Variants in DCC observed in about 807,000 individuals in gnomAD.
DCC encodes the protein DCC netrin 1 receptor.
Under a neutral mutation model 172.5 loss-of-function variants are expected in DCC, and 58 were observed. The observed-to-expected ratio is 0.34, with a 90% CI of 0.27 to 0.42. The LOEUF (loss-of-function observed/expected upper bound fraction) is 0.42, where lower values mean the gene tolerates loss of function less well. Among genes scored for constraint, DCC ranks in the 10% least tolerant of loss-of-function variants. DCC has a pLI of 1.00. For synonymous variants in DCC, 709 were observed against 644.5 expected, an observed-to-expected ratio of 1.10 and a Z score of -1.52; for missense variants, 1,740 against 1,791.0, an observed-to-expected ratio of 0.97 and a Z score of 0.51.
At chr18:52,991,300 G>T (rs1397381457) in intron 5 of DCC, among the ~76,000 whole-genome samples, 1 of 152,092 alleles carries the variant, frequency 6.6e-6, no homozygotes, top group East Asian at 1.9e-4. Flanking sequence ...CTATTTAGCA[G>T]TCTGCAAACT....
At chr18:53,065,929 C>T (rs2042559344) in intron 6 of DCC, 117 bp from the exon 7 acceptor site, 3 of 1,221,702 alleles carry the variant, frequency 2.5e-6, no homozygotes, top group East Asian at 4.7e-5. Flanking sequence ...CCCCTCATGG[C>T]CTCTCCTCTT....
chr18:53,402,387 C>G (rs2145036077), intron 18 of DCC, among the ~76,000 whole-genome samples: 1 of 75,374 alleles, frequency 1.3e-5, no homozygotes, highest in South Asian at 5.1e-4. Flanking sequence ...AAGACCCTGT[C>G]TCAAAAAAAA....
At chr18:53,061,821 G>A (rs909532391) in intron 5 of DCC, among the ~76,000 whole-genome samples, 2 of 152,038 alleles carry the variant, frequency 1.3e-5, no homozygotes, top group Admixed American at 1.3e-4. Flanking sequence ...TCAGGTAGTG[G>A]GAGAGATAAT....
chr18:53,474,320 T>C (rs2045735321), intron 25 of DCC, among the ~76,000 whole-genome samples: 1 of 152,110 alleles, frequency 6.6e-6, no homozygotes, highest in African/African-American at 2.4e-5. Flanking sequence ...GATAATCTCA[T>C]GGGTGTAAAT....
intron 15 of DCC, among the ~76,000 whole-genome samples, chr18:53,360,195 A>G (rs568255687): frequency 6.6e-6 from 1 of 152,102 alleles, no homozygotes; most frequent in South Asian, 2.1e-4. Flanking sequence ...ACTTTGTTAG[A>G]CAAATGTGGA....
At chr18:53,468,631 C>T (rs1568151776) in intron 25 of DCC, among the ~76,000 whole-genome samples, 1 of 152,128 alleles carries the variant, frequency 6.6e-6, no homozygotes, top group Non-Finnish European at 1.5e-5. Flanking sequence ...GATCCGTCTT[C>T]TTCAGCCTCC....
intron 27 of DCC, among the ~76,000 whole-genome samples, chr18:53,501,694 G>GA (rs2046101398): frequency 6.6e-6 from 1 of 152,108 alleles, no homozygotes; most frequent in Non-Finnish European, 1.5e-5. Flanking sequence ...TAAAACAGCT[G>GA]AAAATGACAT....
chr18:53,227,307 A>T (rs993434599), intron 12 of DCC, among the ~76,000 whole-genome samples: 4 of 152,096 alleles, frequency 2.6e-5, no homozygotes, highest in Non-Finnish European at 5.9e-5. Flanking sequence ...ATATATTTTT[A>T]TCTGGAAGTT....
At chr18:52,489,908 T>G (rs2030419081) in intron 1 of DCC, among the ~76,000 whole-genome samples, 1 of 152,270 alleles carries the variant, frequency 6.6e-6, no homozygotes, top group Non-Finnish European at 1.5e-5. Context: ...ACAGTAAATA[T>G]GAAGTGGAAT....
intron 5 of DCC, among the ~76,000 whole-genome samples, chr18:52,968,072 C>G (rs868297446): frequency 6.6e-6 from 1 of 152,142 alleles, no homozygotes; most frequent in Non-Finnish European, 1.5e-5. Context: ...ATTCTTCTAG[C>G]ATTTATTAAC....
intron 3 of DCC, among the ~76,000 whole-genome samples, chr18:52,916,436 A>T (rs551931972): frequency 6.6e-6 from 1 of 152,326 alleles, no homozygotes; most frequent in African/African-American, 2.4e-5. Context: ...GCTTCCCAAC[A>T]TTCAAGCACC....
chr18:53,078,621 T>C (rs2042755499), intron 7 of DCC, among the ~76,000 whole-genome samples: 1 of 152,198 alleles, frequency 6.6e-6, no homozygotes, highest in African/African-American at 2.4e-5. Context: ...TATTTTTTTA[T>C]TTAAAGTATC....
intron 1 of DCC, among the ~76,000 whole-genome samples, chr18:52,376,929 G>A (rs771230736): frequency 3.3e-5 from 5 of 152,190 alleles, no homozygotes; most frequent in Non-Finnish European, 7.3e-5. Flanking sequence ...CATCAAAACC[G>A]TGCCTGGAGT....
chr18:52,883,113 CTA>C (rs1056923125), intron 2 of DCC, among the ~76,000 whole-genome samples: 19 of 151,718 alleles, frequency 1.3e-4, no homozygotes, highest in African/African-American at 4.6e-4. Context: ...GTATTTTTTT[CTA>C]TCTTTTTGTT....
chr18:52,634,748 T>C (rs1323729940), intron 1 of DCC, among the ~76,000 whole-genome samples: 3 of 152,214 alleles, frequency 2.0e-5, no homozygotes, highest in Non-Finnish European at 4.4e-5. Context: ...TTTGGTATCT[T>C]GATCTGCTAA....
At chr18:52,997,345 C>T (rs898589783) in intron 5 of DCC, among the ~76,000 whole-genome samples, 1 of 152,026 alleles carries the variant, frequency 6.6e-6, no homozygotes, top group African/African-American at 2.4e-5. Context: ...GTGAATAGCA[C>T]AAATCTGGGT....
chr18:52,396,107 G>A lies in DCC; in HGVS notation c.91+55229G>A, dbSNP rs990618719. Among the ~76,000 whole-genome samples, 5 of 152,054 alleles carry A rather than the reference G, an allele frequency of 3.3e-5. No individual in the cohort carries two copies. The East Asian group carries it at 9.8e-4, about 30-fold the overall frequency. On this transcript the variant is annotated intron_variant, in intron 1 of 28. Transcript: ENST00000442544. ...GCAAACACTAATACTGACGCTGATGGGTTGTATGATTCCAGGCAAACTGTA... is the reference window on the plus strand; with the variant it reads ...GCAAACACTAATACTGACGCTGATGAGTTGTATGATTCCAGGCAAACTGTA...
At chr18:53,413,118 C>T (rs1364646727) in intron 20 of DCC, among the ~76,000 whole-genome samples, 1 of 152,096 alleles carries the variant, frequency 6.6e-6, no homozygotes, top group Non-Finnish European at 1.5e-5. Flanking sequence ...CCATGCTGGC[C>T]TATCGGGTAA....
chr18:53,411,138 T>A (rs1027293353), intron 20 of DCC, among the ~76,000 whole-genome samples: 4 of 133,824 alleles, frequency 3.0e-5, no homozygotes, highest in African/African-American at 1.0e-4. Context: ...TATAAAAAAG[T>A]TGCAATATGA....
Sources: allele counts gnomAD v4.1 joint callset (sites outside exome capture counted in the v4.1 genomes callset), GRCh38; gene constraint gnomAD v4.1.1; transcripts MANE v1.5; gene names NCBI Gene and HGNC (gene_info 2026-07-23, HGNC 2026-07-21).